Variants in IFT43 observed in about 807,000 individuals in gnomAD.
The protein encoded by IFT43 is intraflagellar transport 43, also known as intraflagellar transport protein 43 homolog.
IFT43 carries 33 observed loss-of-function variants against 32.3 expected under a neutral mutation model. The observed-to-expected ratio is 1.02, with a 90% CI of 0.77 to 1.37. The LOEUF (loss-of-function observed/expected upper bound fraction) is 1.37, where lower values mean the gene tolerates loss of function less well. Among genes scored for constraint, IFT43 ranks in the 40% most tolerant of loss-of-function variants. The pLI is 0.00. For missense variants in IFT43, 274 were observed against 265.9 expected, an observed-to-expected ratio of 1.03 and a Z score of -0.21; for synonymous variants, 93 against 98.2, an observed-to-expected ratio of 0.95 and a Z score of 0.31.
intron 3 of IFT43, among the ~76,000 whole-genome samples, chr14:76,037,097 G>A (rs1349340188): frequency 1.3e-5 from 2 of 152,216 alleles, no homozygotes; most frequent in Non-Finnish European, 2.9e-5. Flanking sequence ...CCCACATTCT[G>A]GATGTGGTCT....
chr14:76,029,184 C>T (rs1241839936), intron 3 of IFT43, among the ~76,000 whole-genome samples: 3 of 152,136 alleles, frequency 2.0e-5, no homozygotes, highest in Non-Finnish European at 4.4e-5. Context: ...GATGGTATCT[C>T]ATTGTGGCTT....
At chr14:75,986,551 G>A (rs141303703) in intron 1 of IFT43, among the ~76,000 whole-genome samples, 14 of 152,190 alleles carry the variant, frequency 9.2e-5, no homozygotes, top group African/African-American at 3.4e-4. Flanking sequence ...AACAATACAT[G>A]GGAAGCGTGT....
intron 3 of IFT43, among the ~76,000 whole-genome samples, chr14:76,025,035 A>G (rs1454223898): frequency 6.6e-6 from 1 of 152,244 alleles, no homozygotes; most frequent in African/African-American, 2.4e-5. Context: ...AGACTGGATT[A>G]CAAATCATTT....
At chr14:76,082,870 A>G (rs753792601) in intron 7 of IFT43, among the ~76,000 whole-genome samples, 178 bp downstream of exon 7, 45 of 152,244 alleles carry the variant, frequency 3.0e-4, no homozygotes, top group Middle Eastern at 6.8e-3. Flanking sequence ...GCAACCCTGG[A>G]CCCAACATAG....
chr14:76,063,789 G>A (rs954352406), intron 5 of IFT43, among the ~76,000 whole-genome samples: 44 of 152,170 alleles, frequency 2.9e-4, no homozygotes, highest in African/African-American at 1.0e-3. Context: ...ATAATTCTCT[G>A]ATAATCACAA....
intron 5 of IFT43, among the ~76,000 whole-genome samples, chr14:76,074,383 G>A (rs534272756): frequency 6.6e-6 from 1 of 152,246 alleles, no homozygotes; most frequent in East Asian, 1.9e-4. Flanking sequence ...ACCTCCACGA[G>A]GCTCTGAGAG....
intron 3 of IFT43, among the ~76,000 whole-genome samples, chr14:76,031,962 C>T (rs983972919): frequency 2.8e-4 from 43 of 152,196 alleles, no homozygotes; most frequent in African/African-American, 1.0e-3. Flanking sequence ...CAGCCCAGTT[C>T]TCCTCCTGGA....
chr14:76,050,109 A>G (rs1045597617), intron 3 of IFT43, among the ~76,000 whole-genome samples: 1 of 152,142 alleles, frequency 6.6e-6, no homozygotes, highest in African/African-American at 2.4e-5. Context: ...TTTTCTGCCC[A>G]TTGCAAGCCT....
At chr14:76,019,390 C>G (rs368010994) in intron 2 of IFT43, among the ~76,000 whole-genome samples, 1 of 148,054 alleles carries the variant, frequency 6.8e-6, no homozygotes, top group Non-Finnish European at 1.5e-5. Context: ...TTTTTTTTTT[C>G]CCTTTCAGCA....
chr14:76,077,710 C>T (rs987729493), intron 5 of IFT43, among the ~76,000 whole-genome samples: 1 of 152,258 alleles, frequency 6.6e-6, no homozygotes, highest in African/African-American at 2.4e-5. Context: ...TTCTATCCTG[C>T]TTACTCCCTC....
chr14:76,062,917 CAAAAAAAAAAAAAAAA>C (rs746158153), intron 5 of IFT43, among the ~76,000 whole-genome samples: 2 of 72,478 alleles, frequency 2.8e-5, no homozygotes, highest in Non-Finnish European at 4.8e-5. Flanking sequence ...GATCCCATCT[CAAAAAAAAAAAAAAAA>C]AAAAAAAAGA....
intron 3 of IFT43, 47 bp downstream of exon 3, chr14:76,022,441 T>A: frequency 9.1e-7 from 1 of 1,095,170 alleles, no homozygotes; most frequent in African/African-American, 1.6e-5. Context: ...TGCACACGGT[T>A]GGGGGGACTT....
chr14:76,058,503 C>A, intron 3 of IFT43, 139 bp from the exon 4 acceptor site: 2 of 922,372 alleles, frequency 2.2e-6, no homozygotes, highest in Non-Finnish European at 3.3e-6. Flanking sequence ...TGGGGCTTGT[C>A]TCTAAAGAGG....
Position 76,083,691 on chromosome 14 carries a change from C to A in IFT43, c.*114C>A. 1.0e-6 allele frequency: 1 copy of A among 968,674 alleles called. No individual in the cohort carries two copies. The highest frequency in any genetic ancestry group is 1.6e-6 in the Non-Finnish European group (1 of 630,544). The allele number at this position is 968,674 out of a possible 1,614,324, so 60.0% of individuals were successfully genotyped here. ...ATTTTGTAATAAAAATATTTATATT[C>A]AGTCAACCACATTGGATAATTCAAT... On this transcript the variant is annotated 3_prime_UTR_variant, in exon 9 of 9. Coordinates refer to ENST00000314067, the MANE Select transcript of IFT43 (RefSeq NM_001102564.3).
chr14:76,008,099 A>G (rs1242421143), intron 2 of IFT43, among the ~76,000 whole-genome samples: 3 of 152,214 alleles, frequency 2.0e-5, no homozygotes, highest in Non-Finnish European at 4.4e-5. Context: ...CGACACCAGT[A>G]GAGCATTTGC....
chr14:76,059,536 C>G (rs2140053860), intron 5 of IFT43, 163 bp downstream of exon 5: 1 of 700,250 alleles, frequency 1.4e-6, no homozygotes, highest in Middle Eastern at 3.9e-4. Context: ...AATGCTGCCA[C>G]CTCTACCTGG....
Position 76,044,599 on chromosome 14 carries a change from A to C in IFT43, c.216-14043A>C, listed in dbSNP as rs568563957. Among the ~76,000 whole-genome samples, 9 of 152,264 alleles carry C rather than the reference A, an allele frequency of 5.9e-5. No homozygotes were observed. The South Asian group carries it at 1.9e-3, about 32-fold the overall frequency. The stretch of plus-strand genomic sequence containing the variant: ...AACCTTCAGCCCATCTCCTCTCCTG[A>C]GGTCAGGGAGTAGGTTCCCCTGGTA... On this transcript the variant is annotated intron_variant, in intron 3 of 8. Transcript: ENST00000314067.
intron 3 of IFT43, chr14:76,058,230 A>T (rs555228733): frequency 3.7e-6 from 1 of 266,818 alleles, no homozygotes; most frequent in African/African-American, 2.3e-5. Flanking sequence ...AGGCGAGGAC[A>T]TCCCTTTTTG....
intron 3 of IFT43, among the ~76,000 whole-genome samples, chr14:76,056,868 C>T (rs1212226485): frequency 6.6e-6 from 1 of 152,158 alleles, no homozygotes; most frequent in Non-Finnish European, 1.5e-5. Flanking sequence ...TTTAGGATTC[C>T]GTTTACTTAG....
Sources: allele counts gnomAD v4.1 joint callset (sites outside exome capture counted in the v4.1 genomes callset), GRCh38; gene constraint gnomAD v4.1.1; transcripts MANE v1.5; gene names NCBI Gene and HGNC (gene_info 2026-07-23, HGNC 2026-07-21).